EFHD1: variants seen among roughly 807,000 people sequenced by gnomAD.
The protein encoded by EFHD1 is EF-hand domain family member D1.
Under a neutral mutation model 17.2 loss-of-function variants are expected in EFHD1, and 10 were observed. The ratio of observed to expected loss-of-function variants is 0.58; its 90% CI spans 0.36 to 0.99. EFHD1 has a LOEUF of 0.99. Among genes scored for constraint, EFHD1 ranks in the 50% least tolerant of loss-of-function variants. The probability of loss-of-function intolerance (pLI) is 0.01; values close to 1 mark genes in which losing one functional copy is unlikely to be tolerated. For missense variants in EFHD1, 310 were observed against 327.5 expected (o/e 0.95, Z 0.41); for synonymous variants, 153 against 142.0 (o/e 1.08, Z -0.55).
chr2:232,611,307 C>CG (rs35359382), intron 1 of EFHD1, among the ~76,000 whole-genome samples: 3 of 151,672 alleles, frequency 2.0e-5, no homozygotes, highest in Middle Eastern at 3.4e-3. Flanking sequence ...TCCTGGGGGT[C>CG]GGGGGGGGGG....
At chr2:232,656,663 C>G (rs558317767) in intron 1 of EFHD1, among the ~76,000 whole-genome samples, 1 of 152,014 alleles carries the variant, frequency 6.6e-6, no homozygotes, top group African/African-American at 2.4e-5. Flanking sequence ...TCTTGAACTC[C>G]TGGGCTCAAA....
chr2:232,679,531 A>G (rs901448958), intron 3 of EFHD1, among the ~76,000 whole-genome samples: 5 of 151,722 alleles, frequency 3.3e-5, no homozygotes, highest in African/African-American at 1.2e-4. Flanking sequence ...CCTGGGCAAC[A>G]TAGAGCAACC....
At chr2:232,657,903 T>TC (rs1283029428) in intron 1 of EFHD1, among the ~76,000 whole-genome samples, 19 of 136,622 alleles carry the variant, frequency 1.4e-4, no homozygotes, top group African/African-American at 3.5e-4. Flanking sequence ...TCTTTTCTTT[T>TC]TTTTTTTTTT....
intron 1 of EFHD1, chr2:232,638,620 A>G (rs1350009992): frequency 2.8e-6 from 1 of 362,716 alleles, no homozygotes; most frequent in Non-Finnish European, 5.5e-6. Flanking sequence ...AAAGAGGTAA[A>G]GTGAGCCCTC....
At chr2:232,646,226 T>G (rs1008823034) in intron 1 of EFHD1, among the ~76,000 whole-genome samples, 1 of 152,048 alleles carries the variant, frequency 6.6e-6, no homozygotes, top group Non-Finnish European at 1.5e-5. Flanking sequence ...AGGAAAAAAG[T>G]CTAGACTCCT....
At chr2:232,627,032 CTCTCTATATATATA>C (rs1466568610) in intron 1 of EFHD1, among the ~76,000 whole-genome samples, 25 of 61,722 alleles carry the variant, frequency 4.1e-4, no homozygotes, top group Non-Finnish European at 7.1e-4. Flanking sequence ...CTCTCTCTCT[CTCTCTATATATATA>C]TATATATATA....
At chr2:232,661,172 C>A (rs570592383) in intron 1 of EFHD1, among the ~76,000 whole-genome samples, 50 of 151,716 alleles carry the variant, frequency 3.3e-4, no homozygotes, top group African/African-American at 1.1e-3. Flanking sequence ...AACAAAAAAA[C>A]AAAACCTCTG....
At chr2:232,620,563 G>T (rs1034018011) in intron 1 of EFHD1, among the ~76,000 whole-genome samples, 1 of 150,480 alleles carries the variant, frequency 6.6e-6, no homozygotes, top group Non-Finnish European at 1.5e-5. Context: ...TTTTTTTTTT[G>T]GTAGAGACAG....
chr2:232,655,347 T>A (rs1271901131), intron 1 of EFHD1, among the ~76,000 whole-genome samples: 3 of 152,174 alleles, frequency 2.0e-5, no homozygotes. Context: ...GGGCCACCCC[T>A]TCTAAGGCTG....
chr2:232,626,820 T>G (rs1680517514), intron 1 of EFHD1, among the ~76,000 whole-genome samples: 2 of 152,030 alleles, frequency 1.3e-5, no homozygotes, highest in Non-Finnish European at 1.5e-5. Context: ...ATGAACAAAG[T>G]GAGCCTGTCA....
upstream of EFHD1, among the ~76,000 whole-genome samples, chr2:232,629,466 TTTTC>T (rs1276624536): frequency 6.6e-6 from 1 of 152,148 alleles, no homozygotes; most frequent in Non-Finnish European, 1.5e-5. Flanking sequence ...AAAAATGAGA[TTTTC>T]TTTTTCTTTT....
chr2:232,642,881 G>GT (rs1389672192), intron 1 of EFHD1, among the ~76,000 whole-genome samples: 2 of 152,152 alleles, frequency 1.3e-5, no homozygotes, highest in African/African-American at 4.8e-5. Context: ...TGTTCTGCCT[G>GT]TATTACTTGG....
chr2:232,640,202 C>T (rs1478415181), intron 1 of EFHD1, among the ~76,000 whole-genome samples: 1 of 152,172 alleles, frequency 6.6e-6, no homozygotes, highest in African/African-American at 2.4e-5. Flanking sequence ...TTCCACGTTC[C>T]AAGGCTGCAG....
chr2:232,613,494 A>G (rs1337686019), intron 1 of EFHD1, among the ~76,000 whole-genome samples: 1 of 152,044 alleles, frequency 6.6e-6, no homozygotes, highest in Non-Finnish European at 1.5e-5. Context: ...CTTTACTAGT[A>G]ACAGCCCCAA....
At position 232,657,322 on chromosome 2, in the gene EFHD1, C is replaced by A. The variant is rs145843838; in HGVS notation, c.303-5480C>A. Among the ~76,000 whole-genome samples the A allele has an allele frequency of 4.6e-3, 701 of 152,236 alleles. 3 individuals are homozygous for A. The highest frequency in any genetic ancestry group is 0.016 in the African/African-American group (674 of 41,544). ...ATAAGTGAATTCATACAATGAGGTGCCCTTTTTGCGACTGGCTTATTTCAC... is the reference window on the plus strand; with the variant it reads ...ATAAGTGAATTCATACAATGAGGTGACCTTTTTGCGACTGGCTTATTTCAC... On this transcript the variant is annotated intron_variant, in intron 1 of 3. Transcript: ENST00000264059.
At chr2:232,681,156 A>AAAATAAAT (rs901722508) in intron 3 of EFHD1, among the ~76,000 whole-genome samples, 4 of 152,090 alleles carry the variant, frequency 2.6e-5, no homozygotes, top group Non-Finnish European at 4.4e-5. Context: ...ACTCCATCTC[A>AAAATAAAT]AAATAAATAA....
chr2:232,675,227 AAGAAAGAG>A (rs1028832715), intron 3 of EFHD1, among the ~76,000 whole-genome samples: 1 of 144,242 alleles, frequency 6.9e-6, no homozygotes, highest in Non-Finnish European at 1.5e-5. Flanking sequence ...AGGAAGGAGA[AAGAAAGAG>A]AGAAAGAAAA....
At chr2:232,681,507 G>A in intron 3 of EFHD1, 78 bp from the exon 4 acceptor site, 6 of 1,551,382 alleles carry the variant, frequency 3.9e-6, no homozygotes, top group Non-Finnish European at 5.2e-6. Context: ...TGAATGGGCT[G>A]TTGGCTCAGG....
chr2:232,664,707 G>A (rs917142439), intron 2 of EFHD1, among the ~76,000 whole-genome samples: 2 of 142,012 alleles, frequency 1.4e-5, no homozygotes, highest in East Asian at 2.3e-4. Context: ...TCCGCCTCCC[G>A]GGTTCACGCC....
Sources: allele counts gnomAD v4.1 joint callset (sites outside exome capture counted in the v4.1 genomes callset), GRCh38; gene constraint gnomAD v4.1.1; transcripts MANE v1.5; gene names NCBI Gene and HGNC (gene_info 2026-07-23, HGNC 2026-07-21).